Variants in PTPRG observed in about 807,000 individuals in gnomAD.
PTPRG encodes protein tyrosine phosphatase receptor type G.
Under a neutral mutation model 165.3 loss-of-function variants are expected in PTPRG, and 102 were observed. That is an observed-to-expected ratio of 0.62 (90% CI 0.53 to 0.73). The LOEUF is 0.73. Among genes scored for constraint, PTPRG ranks in the 30% least tolerant of loss-of-function variants. PTPRG has a pLI of 0.00. For missense variants in PTPRG, 1,866 were observed against 1,861.4 expected (o/e 1.00, Z -0.05); for synonymous variants, 675 against 669.5 (o/e 1.01, Z -0.13).
intron 1 of PTPRG, among the ~76,000 whole-genome samples, chr3:61,571,366 CTA>C (rs932081632): frequency 1.3e-5 from 2 of 152,090 alleles, no homozygotes; most frequent in African/African-American, 4.8e-5. Flanking sequence ...AGTATGGAAA[CTA>C]TTTTTCCTAA....
At chr3:61,740,604 TTC>T (rs1291856612) in intron 1 of PTPRG, among the ~76,000 whole-genome samples, 1 of 152,168 alleles carries the variant, frequency 6.6e-6, no homozygotes, top group African/African-American at 2.4e-5. Flanking sequence ...AATAGAGGAC[TTC>T]AGTATTTTGT....
At chr3:61,668,239 T>C (rs1702862143) in intron 1 of PTPRG, among the ~76,000 whole-genome samples, 1 of 152,188 alleles carries the variant, frequency 6.6e-6, no homozygotes, top group Non-Finnish European at 1.5e-5. Flanking sequence ...AACTCATACA[T>C]TGAAGGTCCA....
chr3:62,021,362 G>A (rs11717816), intron 4 of PTPRG, among the ~76,000 whole-genome samples: 31,685 of 152,156 alleles, frequency 0.21, 3,524 homozygotes, highest in Admixed American at 0.29. Flanking sequence ...AAGATGAAAG[G>A]TAGGAGAGAT....
intron 2 of PTPRG, among the ~76,000 whole-genome samples, chr3:61,792,790 G>A (rs1043183239): frequency 3.3e-5 from 5 of 151,082 alleles, no homozygotes; most frequent in East Asian, 2.0e-4. Context: ...GTGCAGTGGC[G>A]TGATCTCGGC....
chr3:61,997,399 C>G (rs141867305), intron 3 of PTPRG, among the ~76,000 whole-genome samples: 1 of 152,198 alleles, frequency 6.6e-6, no homozygotes, highest in East Asian at 1.9e-4. Context: ...TGCTCACTGT[C>G]CGTGCCTCAT....
intron 28 of PTPRG, among the ~76,000 whole-genome samples, chr3:62,289,841 T>G (rs1488211452): frequency 6.6e-6 from 1 of 152,042 alleles, no homozygotes; most frequent in Non-Finnish European, 1.5e-5. Flanking sequence ...AGATACATGA[T>G]ACTTGCTTTC....
rs1397263353 is a variant in PTPRG, at chr3:62,203,061, A to G, written c.1378-112A>G. On this transcript the variant is annotated intron_variant, in intron 11 of 29. Transcript: ENST00000474889. The surrounding 1 kb of genome is among the most constrained non-coding windows in gnomAD (Gnocchi z 6.4). Reference sequence around the variant, plus strand: ...GGAAAACTCCATAGCATAGATGAGTAAAATCCTCAGAGGGTGACAACCAGG... The same window carrying G: ...GGAAAACTCCATAGCATAGATGAGTGAAATCCTCAGAGGGTGACAACCAGG... 2 of 1,488,034 alleles carry G rather than the reference A, an allele frequency of 1.3e-6. No individual in the cohort carries two copies. Among genetic ancestry groups the G allele is most frequent in the African/African-American group, 2.8e-5 (2 of 71,082 alleles). The allele number at this position is 1,488,034 out of a possible 1,614,324, so 92.2% of individuals were successfully genotyped here. A position where few individuals can be genotyped will look rare whatever the true frequency, so the allele number is the denominator to read the frequency against.
intron 2 of PTPRG, among the ~76,000 whole-genome samples, chr3:61,846,685 T>C (rs1327366473): frequency 2.0e-5 from 3 of 152,118 alleles, no homozygotes; most frequent in East Asian, 3.9e-4. Context: ...GAGGTTGAAG[T>C]AGACAGATCA....
intron 1 of PTPRG, among the ~76,000 whole-genome samples, chr3:61,646,668 G>A (rs934998225): frequency 6.6e-6 from 1 of 152,168 alleles, no homozygotes; most frequent in African/African-American, 2.4e-5. Flanking sequence ...AGTGGTGTTT[G>A]TGGTGTGTAT....
rs1699783064 is a variant in PTPRG at position 62,190,573 on chromosome 3, C to T, written c.1034-896C>T. The stretch of plus-strand genomic sequence containing the variant: ...CCCAAGGAATAAGAAGATGAATGAG[C>T]CTGACTTTTCCTTACACCCCACGTC... On this transcript the variant is annotated intron_variant, in intron 8 of 29. Transcript: ENST00000474889. This position sits in a 1 kb window ranked among gnomAD's most constrained non-coding sequence, Gnocchi z 5.2. 6.6e-6 allele frequency among the ~76,000 whole-genome samples: 1 copy of T among 152,174 alleles called. No homozygotes were observed. The highest frequency in any genetic ancestry group is 6.5e-5 in the Admixed American group (1 of 15,288).
intron 1 of PTPRG, among the ~76,000 whole-genome samples, chr3:61,678,664 G>A (rs962318624): frequency 2.0e-5 from 3 of 152,018 alleles, no homozygotes; most frequent in Non-Finnish European, 2.9e-5. Flanking sequence ...AGGCGTCTCC[G>A]CTTGGCATCT....
intron 7 of PTPRG, among the ~76,000 whole-genome samples, chr3:62,162,817 G>C (rs1360530298): frequency 6.6e-6 from 1 of 152,222 alleles, no homozygotes; most frequent in East Asian, 1.9e-4. Context: ...ATAGCTGAGA[G>C]CATACAAAAT....
intron 2 of PTPRG, among the ~76,000 whole-genome samples, chr3:61,782,551 G>A (rs1177267124): frequency 6.6e-6 from 1 of 152,180 alleles, no homozygotes; most frequent in Non-Finnish European, 1.5e-5. Flanking sequence ...GACGTCTGGT[G>A]TACAGCTAAA....
intron 2 of PTPRG, among the ~76,000 whole-genome samples, chr3:61,894,548 T>A (rs2038301398): frequency 6.6e-6 from 1 of 152,198 alleles, no homozygotes; most frequent in Admixed American, 6.5e-5. Context: ...ATTTTCATTT[T>A]TCTAACAGCT....
chr3:61,799,115 G>T (rs1298124165), intron 2 of PTPRG, among the ~76,000 whole-genome samples: 1 of 151,882 alleles, frequency 6.6e-6, no homozygotes, highest in Non-Finnish European at 1.5e-5. Context: ...ATAATTGCAT[G>T]AATTATCTCT....
chr3:62,189,708 G>A (rs1295268653), intron 8 of PTPRG, among the ~76,000 whole-genome samples: 1 of 152,118 alleles, frequency 6.6e-6, no homozygotes, highest in East Asian at 1.9e-4. Flanking sequence ...CTCCACACTT[G>A]GCTTCTCTGG....
chr3:62,212,273 G>T (rs1361974800), intron 12 of PTPRG, among the ~76,000 whole-genome samples: 1 of 152,160 alleles, frequency 6.6e-6, no homozygotes, highest in Non-Finnish European at 1.5e-5. Flanking sequence ...GGTATCAGTT[G>T]ATACTCCTTT....
At position 62,281,701 on chromosome 3, in the gene PTPRG, GC is replaced by G; in HGVS notation, c.3905del (p.Ala1302ValfsTer8). On this transcript the variant is annotated frameshift_variant, in exon 27 of 30. Coordinates refer to ENST00000474889, the MANE Select transcript of PTPRG (RefSeq NM_002841.4). LOFTEE classifies it high-confidence loss of function. ...TATCATCCATGACTTTATCCTTGAAGCTACACAGGTAACCTAAACCTCAGTT... is the reference window on the plus strand; with the variant it reads ...TATCATCCATGACTTTATCCTTGAAGTACACAGGTAACCTAAACCTCAGTT... ...QIIIHDFILE[A>X]TQDDYVLEVR... is the part of the protein sequence containing the mutation. 1 of 1,611,008 alleles carries G rather than the reference GC, an allele frequency of 6.2e-7. No individual in the cohort carries two copies. Among genetic ancestry groups the G allele is most frequent in the Non-Finnish European group, 8.5e-7 (1 of 1,178,358 alleles).
At chr3:61,935,158 C>T (rs566491400) in intron 2 of PTPRG, among the ~76,000 whole-genome samples, 2 of 152,158 alleles carry the variant, frequency 1.3e-5, no homozygotes, top group Non-Finnish European at 2.9e-5. Flanking sequence ...CACCCACATT[C>T]CCTTTAACTG....
Sources: allele counts gnomAD v4.1 joint callset (sites outside exome capture counted in the v4.1 genomes callset), GRCh38; gene constraint gnomAD v4.1.1; non-coding constraint Gnocchi (gnomAD v3.1); transcripts MANE v1.5; gene names NCBI Gene and HGNC (gene_info 2026-07-23, HGNC 2026-07-21).